Variants in PSMD4 observed in about 807,000 individuals in gnomAD.
PSMD4 encodes the protein 26S proteasome non-ATPase regulatory subunit 4.
In PSMD4, 5 loss-of-function variants were observed where a neutral mutation model predicts 39.7. The observed-to-expected ratio is 0.13, with a 90% CI of 0.07 to 0.26. PSMD4 has a LOEUF of 0.26. Among genes scored for constraint, PSMD4 ranks in the 10% least tolerant of loss-of-function variants. The pLI, the probability that PSMD4 is intolerant of heterozygous loss-of-function variation, is 1.00. For synonymous variants in PSMD4, 143 were observed against 174.6 expected (o/e 0.82, Z 1.43); for missense variants, 272 against 486.1 (o/e 0.56, Z 4.14).
rs914017752 is a variant in PSMD4 at position 151,267,116 on chromosome 1, C to A, written c.964-57C>A. The A allele has an allele frequency of 2.1e-5, 33 of 1,602,366 alleles. No homozygotes were observed. The South Asian group carries it at 3.2e-4, about 16-fold the overall frequency. ...CAGCGGCATGCTCCTGTCCTTAACA[C>A]CTGCTTACTTCCTGCCGCTCCATAC... On this transcript the variant is annotated intron_variant, in intron 9 of 9. Transcript: ENST00000368884.
In PSMD4 at chr1:151,257,715, C is replaced by CTTTTT. The variant is rs71090149; in HGVS notation, c.26+2925_26+2929dup. On this transcript the variant is annotated intron_variant, in intron 1 of 9. Transcript: ENST00000368884. ...GGCACCCGCCACCATACCTGGCTTT[C>CTTTTT]TTTTTTTTTTTTTTTTTTTTTTGTA... 1.6e-3 allele frequency among the ~76,000 whole-genome samples: 143 copies of CTTTTT among 88,638 alleles called. 1 individual carries two copies. Among genetic ancestry groups the CTTTTT allele is most frequent in the African/African-American group, 3.2e-3 (68 of 21,304 alleles). 58.1% of individuals were successfully genotyped at this position (88,638 alleles called of 152,430 possible).
At position 151,265,482 on chromosome 1, in the gene PSMD4, G is replaced by A. The variant is rs185570531; in HGVS notation, c.527G>A (p.Gly176Glu). ...TCTCATCTGGTGACAGTGCCTCCTG[G>A]GCCCAGTTTGGCTGATGCTCTCATC... is the stretch of plus-strand genomic sequence containing the variant. ...TGSHLVTVPP[G>E]PSLADALISS... The change falls in exon 6 of 10, where the codon GGG becomes GAG. Residue 176 changes from glycine to glutamate, a missense_variant. Gly to Glu is a moderately conservative substitution (Grantham distance 98). Transcript: ENST00000368884. 9 of 1,614,184 alleles carry A rather than the reference G, an allele frequency of 5.6e-6. No individual in the cohort carries two copies. Among genetic ancestry groups the A allele is most frequent in the Non-Finnish European group, 7.6e-6 (9 of 1,180,022 alleles).
At chr1:151,265,367 G>T in intron 5 of PSMD4, 27 bp from the exon 6 acceptor site, 1 of 1,610,566 alleles carries the variant, frequency 6.2e-7, no homozygotes, top group East Asian at 2.2e-5. Context: ...GCCTGAAGAA[G>T]GGCATCATGT....
chr1:151,266,208 G>A, intron 7 of PSMD4, 96 bp downstream of exon 7: 2 of 1,596,572 alleles, frequency 1.3e-6, no homozygotes, highest in Admixed American at 1.7e-5. Context: ...GGTCTGACAG[G>A]GTAGGAATAT....
Position 151,260,696 on chromosome 1 carries a change from C to T in PSMD4, c.27-1465C>T, listed in dbSNP as rs959216992. ...GATTACAGGTGCCTGCCACCACGCCCGGCTAACTTTTATATTTTTTAGTAG... is the reference window on the plus strand; with the variant it reads ...GATTACAGGTGCCTGCCACCACGCCTGGCTAACTTTTATATTTTTTAGTAG... On this transcript the variant is annotated intron_variant, in intron 1 of 9. Coordinates refer to ENST00000368884, the MANE Select transcript of PSMD4 (RefSeq NM_002810.4). 4.6e-5 allele frequency among the ~76,000 whole-genome samples: 7 copies of T among 152,038 alleles called. No individual in the cohort carries two copies. The South Asian group carries it at 6.2e-4, about 14-fold the overall frequency.
At chr1:151,258,417 T>G (rs184975446) in intron 1 of PSMD4, among the ~76,000 whole-genome samples, 40 of 151,438 alleles carry the variant, frequency 2.6e-4, no homozygotes, top group Non-Finnish European at 5.2e-4. Context: ...TGTGACTGCC[T>G]TGCACATGTG....
In PSMD4 at chr1:151,256,371, AT is replaced by A. The variant is rs202234262; in HGVS notation, c.26+1564del. On this transcript the variant is annotated intron_variant, in intron 1 of 9. Transcript: ENST00000368884. ...AAAAAAAAAAATAATAATAAAATAA[AT>A]AAATAAATAAATAAATAAATAAAAA... Among the ~76,000 whole-genome samples the A allele has an allele frequency of 3.2e-4, 45 of 141,684 alleles. 3 individuals are homozygous for A. Among genetic ancestry groups the A allele is most frequent in the East Asian group, 2.3e-3 (11 of 4,864 alleles). The allele number at this position is 141,684 out of a possible 152,430, so 93.0% of individuals were successfully genotyped here.
chr1:151,263,739 G>A (rs1693367840), intron 2 of PSMD4, 175 bp from the exon 3 acceptor site: 3 of 397,052 alleles, frequency 7.6e-6, no homozygotes, highest in Non-Finnish European at 9.2e-6. Context: ...TCTGAGGCAG[G>A]AGAATGGCGT....
intron 1 of PSMD4, among the ~76,000 whole-genome samples, chr1:151,255,402 G>A (rs587613140): frequency 4.6e-4 from 70 of 152,332 alleles, no homozygotes; most frequent in Middle Eastern, 6.8e-3. Flanking sequence ...CATACAGCTA[G>A]TTAAGTGGTG....
chr1:151,260,272 C>G (rs1200060360), intron 1 of PSMD4, among the ~76,000 whole-genome samples: 2 of 152,028 alleles, frequency 1.3e-5, no homozygotes, highest in Non-Finnish European at 2.9e-5. Context: ...CAGGTAGAAC[C>G]TTAACTATTA....
Position 151,254,770 on chromosome 1 carries a change from G to A in PSMD4, c.-13G>A. 3 of 1,563,220 alleles carry A rather than the reference G, an allele frequency of 1.9e-6. No homozygotes were observed. Among genetic ancestry groups the A allele is most frequent in the South Asian group, 1.2e-5 (1 of 84,892 alleles). Reference sequence around the variant, plus strand: ...GTCCCGGAGACCCGGTCGGGAGGGAGGAAGGTGGCAAGATGGTGTTGGAAA... The same window carrying A: ...GTCCCGGAGACCCGGTCGGGAGGGAAGAAGGTGGCAAGATGGTGTTGGAAA... On this transcript the variant is annotated 5_prime_UTR_variant, in exon 1 of 10. Transcript: ENST00000368884.
rs41269694 is a variant in PSMD4, at chr1:151,265,979, C to T, written c.655-25C>T. 8,631 of 1,547,454 alleles carry T rather than the reference C, an allele frequency of 5.6e-3. 26 individuals are homozygous for T. Among genetic ancestry groups the T allele is most frequent in the Non-Finnish European group, 6.9e-3 (7,886 of 1,148,254 alleles). Reference sequence around the variant, plus strand: ...CTGTAGGAGTGAGGGCAGGGGAGCCCTGATTATGCCCTGCCCTTCACCAGG... The same window carrying T: ...CTGTAGGAGTGAGGGCAGGGGAGCCTTGATTATGCCCTGCCCTTCACCAGG... On this transcript the variant is annotated intron_variant, in intron 6 of 9. Coordinates refer to ENST00000368884, the MANE Select transcript of PSMD4 (RefSeq NM_002810.4).
intron 1 of PSMD4, among the ~76,000 whole-genome samples, chr1:151,258,694 C>G (rs1269789309): frequency 6.6e-6 from 1 of 151,950 alleles, no homozygotes; most frequent in Non-Finnish European, 1.5e-5. Flanking sequence ...CTCTTGGGCT[C>G]AAGAGAGCCT....
chr1:151,267,267 GA>G lies in PSMD4; in HGVS notation c.1061del (p.Asn354MetfsTer31), dbSNP rs1451594348. ...GTGGATCCCAACAATGAAGCCATTC[GA>G]AATGCTATGGGCTCCCTGGCCTCCC... ...PGVDPNNEAI[R>X]NAMGSLASQA... is the part of the protein sequence containing the mutation. On this transcript the variant is annotated frameshift_variant, in exon 10 of 10. Coordinates refer to ENST00000368884, the MANE Select transcript of PSMD4 (RefSeq NM_002810.4). LOFTEE classifies it high-confidence loss of function. 6.2e-7 allele frequency: 1 copy of G among 1,613,610 alleles called. No individual in the cohort carries two copies.
intron 1 of PSMD4, among the ~76,000 whole-genome samples, chr1:151,258,581 C>T (rs1693239322): frequency 6.6e-6 from 1 of 151,364 alleles, no homozygotes; most frequent in African/African-American, 2.4e-5. Flanking sequence ...CTGCCTCAGC[C>T]TCCTGAATAG....
At chr1:151,259,848 T>C (rs1347477591) in intron 1 of PSMD4, among the ~76,000 whole-genome samples, 1 of 152,062 alleles carries the variant, frequency 6.6e-6, no homozygotes, top group African/African-American at 2.4e-5. Context: ...CCCAAAGTGC[T>C]GGGATTACAG....
At chr1:151,262,470 T>C (rs1693338723) in intron 2 of PSMD4, 169 bp downstream of exon 2, 1 of 762,128 alleles carries the variant, frequency 1.3e-6, no homozygotes, top group South Asian at 1.8e-5. Context: ...CTGTATTTAA[T>C]GTAGTACGGA....
In PSMD4 at chr1:151,265,374, A is replaced by T. The variant is rs770805724; in HGVS notation, c.439-20A>T. The T allele has an allele frequency of 2.5e-6, 4 of 1,612,456 alleles. No individual in the cohort carries two copies. In the African/African-American group the frequency reaches 5.3e-5, roughly 22 times the overall value. ...GGAGCAAGGCCTGAAGAAGGGCATCATGTGTTCTTTCCTCCCCAGGAGGTG... is the reference window on the plus strand; with the variant it reads ...GGAGCAAGGCCTGAAGAAGGGCATCTTGTGTTCTTTCCTCCCCAGGAGGTG... On this transcript the variant is annotated intron_variant, in intron 5 of 9. Coordinates refer to ENST00000368884, the MANE Select transcript of PSMD4 (RefSeq NM_002810.4).
Position 151,266,589 on chromosome 1 carries a change from TGA to T in PSMD4, c.963+5_963+6del, listed in dbSNP as rs750933673. The T allele has an allele frequency of 2.5e-6, 4 of 1,614,096 alleles. No homozygotes were observed. In the Admixed American group the frequency reaches 6.7e-5, roughly 27 times the overall value. Reference sequence around the variant, plus strand: ...ATGGACACATCTGAGCCAGCCAAGGTGAGACCCAACCCTGCCCCCATCAGGTT... The same window carrying T: ...ATGGACACATCTGAGCCAGCCAAGGTGACCCAACCCTGCCCCCATCAGGTT... On this transcript the variant is annotated splice_donor_region_variant and intron_variant, in intron 9 of 9. Coordinates refer to ENST00000368884, the MANE Select transcript of PSMD4 (RefSeq NM_002810.4).
Sources: gnomAD v4.1 joint callset for allele counts (sites outside exome capture counted in the v4.1 genomes callset) on GRCh38, gnomAD v4.1.1 for gene constraint, MANE v1.5 for transcripts, NCBI Gene and HGNC (gene_info 2026-07-23, HGNC 2026-07-21) for gene names.